The following HDAC9 variants were observed in gnomAD, a reference collection of about 807,000 sequenced individuals.
HDAC9 encodes MEF-2 interacting transcription repressor (MITR) protein.
In HDAC9, 41 loss-of-function variants were observed where a neutral mutation model predicts 139.4. That is an observed-to-expected ratio of 0.29 (90% CI 0.23 to 0.38). The LOEUF (loss-of-function observed/expected upper bound fraction) is 0.38. HDAC9 is among the 10% of genes least tolerant of loss of function. The probability of loss-of-function intolerance (pLI) is 1.00; values close to 1 mark genes in which losing one functional copy is unlikely to be tolerated. For missense variants in HDAC9, 1,147 were observed against 1,297.0 expected, an observed-to-expected ratio of 0.88 and a Z score of 1.78; for synonymous variants, 517 against 476.2, an observed-to-expected ratio of 1.09 and a Z score of -1.12.
chr7:18,201,800 G>A (rs1268945281), intron 2 of HDAC9, among the ~76,000 whole-genome samples: 5 of 152,116 alleles, frequency 3.3e-5, no homozygotes, highest in Non-Finnish European at 7.3e-5. Flanking sequence ...TGTAAGATGA[G>A]TTATTTTCCC....
intron 1 of HDAC9, among the ~76,000 whole-genome samples, chr7:18,301,964 A>G (rs764087890): frequency 3.9e-5 from 6 of 152,204 alleles, no homozygotes; most frequent in Non-Finnish European, 5.9e-5. Context: ...GCATTTGACC[A>G]AGTAATTTAT....
chr7:18,972,628 C>T (rs573102451), intron 24 of HDAC9, among the ~76,000 whole-genome samples: 1 of 151,998 alleles, frequency 6.6e-6, no homozygotes, highest in African/African-American at 2.4e-5. Flanking sequence ...TGATCCACCC[C>T]CTTCAGCCTC....
chr7:18,393,862 C>T (rs543405905), intron 1 of HDAC9, among the ~76,000 whole-genome samples: 3 of 152,288 alleles, frequency 2.0e-5, no homozygotes, highest in Non-Finnish European at 4.4e-5. Context: ...TTAAAAGCCA[C>T]GCACGGAACA....
At chr7:18,776,023 C>T (rs1790738225) in intron 16 of HDAC9, among the ~76,000 whole-genome samples, 1 of 152,014 alleles carries the variant, frequency 6.6e-6, no homozygotes. Flanking sequence ...CCTCAACCTC[C>T]TGGGCTCCAA....
chr7:18,469,557 G>T (rs1794568526), intron 1 of HDAC9, among the ~76,000 whole-genome samples: 1 of 152,142 alleles, frequency 6.6e-6, no homozygotes, highest in African/African-American at 2.4e-5. Context: ...GTGTTCAGTA[G>T]TAACAACCTA....
chr7:18,440,048 T>A (rs1585915900), intron 1 of HDAC9, among the ~76,000 whole-genome samples: 1 of 152,214 alleles, frequency 6.6e-6, no homozygotes, highest in African/African-American at 2.4e-5. Flanking sequence ...TCAAGGAAGT[T>A]ATTCATTACA....
intron 2 of HDAC9, chr7:18,509,453 G>A (rs1800788598): frequency 1.0e-6 from 1 of 985,202 alleles, no homozygotes; most frequent in African/African-American, 1.7e-5. Context: ...AATGGTTAGT[G>A]GTGACTTGTT....
intron 1 of HDAC9, among the ~76,000 whole-genome samples, chr7:18,462,963 A>G (rs1267683860): frequency 6.6e-6 from 1 of 152,008 alleles, no homozygotes; most frequent in Non-Finnish European, 1.5e-5. Context: ...GATTGTGCCA[A>G]TGTATAGTCC....
chr7:18,339,082 T>A (rs1040387015), intron 1 of HDAC9, among the ~76,000 whole-genome samples: 2 of 151,524 alleles, frequency 1.3e-5, no homozygotes, highest in Non-Finnish European at 3.0e-5. Context: ...ATGCTTTGAG[T>A]ATATGTAGAA....
intron 1 of HDAC9, among the ~76,000 whole-genome samples, chr7:18,373,512 G>A (rs898275070): frequency 6.6e-6 from 1 of 152,150 alleles, no homozygotes; most frequent in Non-Finnish European, 1.5e-5. Context: ...ATTTTGTTGA[G>A]CTTTGTGTCC....
At chr7:18,094,028 G>T (rs1782337668) in intron 1 of HDAC9, among the ~76,000 whole-genome samples, 1 of 152,160 alleles carries the variant, frequency 6.6e-6, no homozygotes, top group Non-Finnish European at 1.5e-5. Flanking sequence ...AAGCCTTTAA[G>T]ATTTCCCTGG....
At chr7:18,784,966 TGTGTGTGTC>T (rs1189655284) in intron 16 of HDAC9, among the ~76,000 whole-genome samples, 151 of 151,412 alleles carry the variant, frequency 1.0e-3, no homozygotes, top group African/African-American at 1.9e-3. Flanking sequence ...TGTGTGTGTG[TGTGTGTGTC>T]TGTGTGTGCA....
At chr7:18,297,783 G>A (rs529118739) in intron 1 of HDAC9, among the ~76,000 whole-genome samples, 4 of 152,188 alleles carry the variant, frequency 2.6e-5, no homozygotes, top group African/African-American at 9.6e-5. Flanking sequence ...TTGTTTCTAG[G>A]GCTGCCATTC....
intron 21 of HDAC9, among the ~76,000 whole-genome samples, chr7:18,867,654 A>T (rs1048813421): frequency 2.0e-5 from 3 of 147,854 alleles, no homozygotes; most frequent in South Asian, 2.1e-4. Flanking sequence ...TGTATTTTTT[A>T]AAAAAATACG....
At chr7:18,346,233 T>A (rs947442733) in intron 1 of HDAC9, among the ~76,000 whole-genome samples, 13 of 152,268 alleles carry the variant, frequency 8.5e-5, no homozygotes, top group South Asian at 2.1e-4. Flanking sequence ...TTTAAAAATG[T>A]CTTATGAATT....
intron 2 of HDAC9, among the ~76,000 whole-genome samples, chr7:18,240,329 T>C (rs188704140): frequency 3.3e-5 from 5 of 152,260 alleles, no homozygotes; most frequent in African/African-American, 9.6e-5. Flanking sequence ...TGGATTTGCA[T>C]TGTGTTCTGA....
intron 2 of HDAC9, among the ~76,000 whole-genome samples, chr7:18,511,788 A>G (rs1801593591): frequency 6.6e-6 from 1 of 152,112 alleles, no homozygotes; most frequent in South Asian, 2.1e-4. Context: ...ACCCCTGCCA[A>G]TATATTGGAT....
chr7:18,130,637 C>A lies in HDAC9; in HGVS notation c.-96-31592C>A, dbSNP rs557797961. Among the ~76,000 whole-genome samples the A allele has an allele frequency of 2.6e-5, 4 of 152,260 alleles. No homozygotes were observed. The East Asian group carries it at 7.7e-4, about 29-fold the overall frequency. On this transcript the variant is annotated intron_variant, in intron 1 of 12. Coordinates refer to the HDAC9 transcript ENST00000417496. ...TTTAGAACAACTTCATCGCTATTCT[C>A]TTTAGCTGTCACCCCTAAATCCCTC...
At chr7:18,487,389 T>C (rs1444715049) in intron 1 of HDAC9, among the ~76,000 whole-genome samples, 2 of 151,992 alleles carry the variant, frequency 1.3e-5, no homozygotes, top group African/African-American at 2.4e-5. Flanking sequence ...TATCCAGGAA[T>C]TGTGTCTGTT....
Sources: allele counts gnomAD v4.1 joint callset (sites outside exome capture counted in the v4.1 genomes callset), GRCh38; gene constraint gnomAD v4.1.1; transcripts MANE v1.5; gene names NCBI Gene and HGNC (gene_info 2026-07-23, HGNC 2026-07-21).